The following RBFOX1 variants were observed in gnomAD, a reference collection of about 807,000 sequenced individuals.
RBFOX1 encodes RNA binding protein fox-1 homolog 1.
Under a neutral mutation model 57.7 loss-of-function variants are expected in RBFOX1, and 8 were observed. The observed-to-expected ratio is 0.14, with a 90% CI of 0.08 to 0.25. RBFOX1 has a LOEUF of 0.25. Among genes scored for constraint, RBFOX1 ranks in the 10% least tolerant of loss-of-function variants. The pLI is 1.00. For synonymous variants in RBFOX1, 326 were observed against 222.4 expected, an observed-to-expected ratio of 1.47 and a Z score of -4.15; for missense variants, 611 against 548.5, an observed-to-expected ratio of 1.11 and a Z score of -1.14.
At chr16:6,586,393 G>T (rs1476967) in intron 2 of RBFOX1, among the ~76,000 whole-genome samples, 58,120 of 152,072 alleles carry the variant, frequency 0.38, 12,221 homozygotes, top group Non-Finnish European at 0.47. Context: ...TCTATCTCCA[G>T]TGCGTCTTAA....
intron 4 of RBFOX1, among the ~76,000 whole-genome samples, chr16:7,300,247 C>A (rs541409907): frequency 6.6e-6 from 1 of 151,744 alleles, no homozygotes; most frequent in Non-Finnish European, 1.5e-5. Context: ...TGTAAACTGT[C>A]TAATGTCAGG....
intron 3 of RBFOX1, among the ~76,000 whole-genome samples, chr16:6,691,295 G>A (rs1206581191): frequency 1.3e-5 from 2 of 152,020 alleles, no homozygotes; most frequent in Non-Finnish European, 2.9e-5. Flanking sequence ...AGAGGTAGGG[G>A]GTGGCAGAGC....
At chr16:6,101,756 A>C (rs185220315) in intron 1 of RBFOX1, among the ~76,000 whole-genome samples, 71 of 152,290 alleles carry the variant, frequency 4.7e-4, no homozygotes, top group African/African-American at 1.6e-3. Context: ...ACCTGTCTGT[A>C]CTAAAAATAT....
intron 1 of RBFOX1, among the ~76,000 whole-genome samples, chr16:5,342,253 G>A (rs1036373445): frequency 6.6e-6 from 1 of 152,154 alleles, no homozygotes; most frequent in Non-Finnish European, 1.5e-5. Context: ...CATCTGTTGA[G>A]ATTTGAGGTG....
intron 4 of RBFOX1, among the ~76,000 whole-genome samples, chr16:7,120,650 C>T (rs888490505): frequency 6.8e-6 from 1 of 148,088 alleles, no homozygotes; most frequent in Non-Finnish European, 1.5e-5. Flanking sequence ...AATTTTCAGA[C>T]ACAAATGGTT....
intron 1 of RBFOX1, among the ~76,000 whole-genome samples, chr16:6,143,634 T>C (rs955783189): frequency 2.0e-5 from 3 of 152,146 alleles, no homozygotes; most frequent in African/African-American, 7.2e-5. Context: ...CATGCATGTA[T>C]CTTATATCAT....
intron 4 of RBFOX1, among the ~76,000 whole-genome samples, chr16:7,314,279 T>G (rs894030095): frequency 4.6e-5 from 7 of 152,196 alleles, no homozygotes; most frequent in African/African-American, 1.7e-4. Flanking sequence ...TAATGATTTA[T>G]ACACCCCGCA....
chr16:7,580,703 A>C (rs926602879), intron 6 of RBFOX1, among the ~76,000 whole-genome samples: 2 of 152,262 alleles, frequency 1.3e-5, no homozygotes, highest in East Asian at 1.9e-4. Context: ...TATCTTCACT[A>C]TCCACTTTGG....
At chr16:5,320,201 A>G (rs1001558970) in intron 1 of RBFOX1, among the ~76,000 whole-genome samples, 3 of 152,172 alleles carry the variant, frequency 2.0e-5, no homozygotes, top group African/African-American at 7.2e-5. Flanking sequence ...GAGAAAAATC[A>G]CTTAGCTCAT....
At chr16:5,468,960 T>C (rs1172206062) in intron 2 of RBFOX1, among the ~76,000 whole-genome samples, 1 of 152,206 alleles carries the variant, frequency 6.6e-6, no homozygotes, top group Non-Finnish European at 1.5e-5. Flanking sequence ...GAACAGAACA[T>C]ATTTATACCT....
chr16:5,294,883 A>T (rs2063624435), intron 1 of RBFOX1, among the ~76,000 whole-genome samples: 1 of 151,498 alleles, frequency 6.6e-6, no homozygotes, highest in Admixed American at 6.6e-5. Flanking sequence ...ATACGAAATT[A>T]GCTGGGTGTG....
intron 2 of RBFOX1, among the ~76,000 whole-genome samples, chr16:6,464,042 GTGAATC>G (rs1174230108): frequency 1.3e-5 from 2 of 152,188 alleles, no homozygotes; most frequent in Non-Finnish European, 2.9e-5. Context: ...CCTGATTAAT[GTGAATC>G]AAATTTTCAT....
intron 1 of RBFOX1, among the ~76,000 whole-genome samples, chr16:6,130,106 C>T (rs946821687): frequency 6.6e-6 from 1 of 152,066 alleles, no homozygotes; most frequent in African/African-American, 2.4e-5. Flanking sequence ...AAATGGTAGA[C>T]ACATAGGTCT....
Position 7,052,041 on chromosome 16 carries a change from T to A in RBFOX1, c.-15-16T>A. On this transcript the variant is annotated splice_polypyrimidine_tract_variant and intron_variant, in intron 3 of 15. Transcript: ENST00000550418. ...GAGCCTTCTGACTTTTCCCCTTCATTTTCTTTTCTTTCTAGGTTTCAAGAC... is the reference window on the plus strand; with the variant it reads ...GAGCCTTCTGACTTTTCCCCTTCATATTCTTTTCTTTCTAGGTTTCAAGAC... 2 of 1,612,066 alleles carry A rather than the reference T, an allele frequency of 1.2e-6. No individual in the cohort carries two copies. The highest frequency in any genetic ancestry group is 1.7e-6 in the Non-Finnish European group (2 of 1,179,172).
chr16:6,121,515 A>T (rs2096549205), intron 1 of RBFOX1, among the ~76,000 whole-genome samples: 1 of 152,234 alleles, frequency 6.6e-6, no homozygotes, highest in African/African-American at 2.4e-5. Flanking sequence ...GGAATGATCC[A>T]GCCACATTAA....
At chr16:6,667,333 G>C (rs2098739282) in intron 3 of RBFOX1, among the ~76,000 whole-genome samples, 1 of 152,106 alleles carries the variant, frequency 6.6e-6, no homozygotes, top group Non-Finnish European at 1.5e-5. Context: ...AGTCACCCTT[G>C]AAGCTGGCTT....
At chr16:7,562,762 T>G (rs549960479) in intron 5 of RBFOX1, among the ~76,000 whole-genome samples, 2 of 152,320 alleles carry the variant, frequency 1.3e-5, no homozygotes, top group Admixed American at 6.5e-5. Context: ...TCCCAGAGGT[T>G]GCACCTCATC....
At chr16:7,311,808 G>A (rs2096316055) in intron 4 of RBFOX1, among the ~76,000 whole-genome samples, 1 of 152,144 alleles carries the variant, frequency 6.6e-6, no homozygotes. Context: ...CAAAAGTACA[G>A]GTTTTTTTGA....
chr16:7,218,977 A>G (rs1253796856), intron 4 of RBFOX1, among the ~76,000 whole-genome samples: 1 of 152,162 alleles, frequency 6.6e-6, no homozygotes, highest in Admixed American at 6.5e-5. Flanking sequence ...CTGGTTCCAA[A>G]AAACTGCCTG....
Sources: allele counts gnomAD v4.1 joint callset (sites outside exome capture counted in the v4.1 genomes callset), GRCh38; gene constraint gnomAD v4.1.1; transcripts MANE v1.5; gene names NCBI Gene and HGNC (gene_info 2026-07-23, HGNC 2026-07-21).